Variants in ZSCAN25 observed in about 807,000 individuals in gnomAD.
ZSCAN25 encodes zinc finger and SCAN domain containing 25.
Under a neutral mutation model 38.7 loss-of-function variants are expected in ZSCAN25, and 27 were observed. The observed-to-expected ratio is 0.70, with a 90% confidence interval of 0.51 to 0.96. The LOEUF is 0.96. Ranked by LOEUF, ZSCAN25 falls within the 40% of genes least tolerant of loss-of-function variation. The pLI, the probability that ZSCAN25 is intolerant of heterozygous loss-of-function variation, is 0.00. For missense variants in ZSCAN25, 637 were observed against 705.9 expected, an observed-to-expected ratio of 0.90 and a Z score of 1.11; for synonymous variants, 273 against 277.7, an observed-to-expected ratio of 0.98 and a Z score of 0.17.
the ZSCAN25 span, chr7:99,715,623 C>T: frequency 3.5e-6 from 5 of 1,446,632 alleles, no homozygotes; most frequent in Non-Finnish European, 4.8e-6. Flanking sequence ...TGGTGATGGT[C>T]GTACATATCT....
chr7:99,693,180 G>A, the ZSCAN25 span, among the ~76,000 whole-genome samples: 2 of 152,222 alleles, frequency 1.3e-5, no homozygotes, highest in South Asian at 4.2e-4. Flanking sequence ...GAGTTTGCTG[G>A]AGGTCCTCTT....
At chr7:99,708,676 A>G in the ZSCAN25 span, among the ~76,000 whole-genome samples, 1 of 152,140 alleles carries the variant, frequency 6.6e-6, no homozygotes, top group Non-Finnish European at 1.5e-5. Context: ...TTTTTATTCA[A>G]ATTTGATTCC....
the ZSCAN25 span, among the ~76,000 whole-genome samples, chr7:99,673,864 C>A: frequency 6.6e-6 from 1 of 152,186 alleles, no homozygotes; most frequent in Non-Finnish European, 1.5e-5. Flanking sequence ...CCTGGGCCAC[C>A]AAAACCTGCA....
chr7:99,624,109 G>A lies in ZSCAN25; in HGVS notation c.734G>A (p.Arg245Lys). ...CTGGCCTTCCCTGAGGAGGAGTGGAGGCATGTGACCCCAGCCCAGATAGAC... is the reference window on the plus strand; with the variant it reads ...CTGGCCTTCCCTGAGGAGGAGTGGAAGCATGTGACCCCAGCCCAGATAGAC... ...MALAFPEEEWRHVTPAQIDCF... is the reference protein window; with the variant it reads ...MALAFPEEEWKHVTPAQIDCF... Residue 245 changes from arginine to lysine, a missense_variant, in exon 7 of 8, where the codon AGG (arginine) becomes AAG (lysine). Arg to Lys is a conservative substitution (Grantham distance 26). Transcript: ENST00000394152. The A allele has an allele frequency of 6.2e-7, 1 of 1,614,156 alleles. No homozygotes were observed. The highest frequency in any genetic ancestry group is 1.1e-5 in the South Asian group (1 of 91,082).
the ZSCAN25 span, chr7:99,705,590 G>A: frequency 1.2e-6 from 2 of 1,613,292 alleles, no homozygotes; most frequent in African/African-American, 2.7e-5. Context: ...GTAATTTCAG[G>A]GGGATCTGCA....
At chr7:99,670,345 A>G in the ZSCAN25 span, among the ~76,000 whole-genome samples, 4 of 152,332 alleles carry the variant, frequency 2.6e-5, no homozygotes, top group East Asian at 1.9e-4. Flanking sequence ...ACAGCATTCC[A>G]TATGAAACTG....
chr7:99,628,167 T>C (rs1807661134), intron 7 of ZSCAN25, among the ~76,000 whole-genome samples: 2 of 152,200 alleles, frequency 1.3e-5, no homozygotes, highest in South Asian at 4.1e-4. Context: ...TCTTTGCGTG[T>C]ACAAAACATA....
At chr7:99,710,951 A>T in the ZSCAN25 span, 1 of 1,611,646 alleles carries the variant, frequency 6.2e-7, no homozygotes, top group Non-Finnish European at 8.5e-7. Context: ...ATCACAGTTT[A>T]GATGAAAAGA....
At chr7:99,694,620 AG>A in the ZSCAN25 span, among the ~76,000 whole-genome samples, 1 of 152,222 alleles carries the variant, frequency 6.6e-6, no homozygotes, top group African/African-American at 2.4e-5. Context: ...GACCTAGAAA[AG>A]GTGGCGGGGA....
chr7:99,638,239 A>G, the ZSCAN25 span: 2 of 1,554,854 alleles, frequency 1.3e-6, no homozygotes, highest in Non-Finnish European at 1.7e-6. Context: ...GAGAATGCTC[A>G]TTAAGATTTG....
chr7:99,652,848 A>G, the ZSCAN25 span: 2 of 1,172,086 alleles, frequency 1.7e-6, no homozygotes, highest in Non-Finnish European at 1.2e-6. Context: ...TCCATGCAGT[A>G]CTATTGAAGT....
At chr7:99,712,629 A>C in the ZSCAN25 span, among the ~76,000 whole-genome samples, 81 of 152,324 alleles carry the variant, frequency 5.3e-4, no homozygotes, top group African/African-American at 1.9e-3. Context: ...TAAGTAGATA[A>C]ATAGATGATT....
the ZSCAN25 span, among the ~76,000 whole-genome samples, chr7:99,684,000 C>T: frequency 1.3e-5 from 2 of 152,054 alleles, no homozygotes; most frequent in Non-Finnish European, 2.9e-5. Context: ...GTGTTCATTG[C>T]AGTAAGACAG....
the ZSCAN25 span, among the ~76,000 whole-genome samples, chr7:99,646,097 G>A: frequency 6.6e-6 from 1 of 151,938 alleles, no homozygotes; most frequent in Non-Finnish European, 1.5e-5. Flanking sequence ...GCTCTTCTTG[G>A]TCTTTTGTGA....
the ZSCAN25 span, among the ~76,000 whole-genome samples, chr7:99,726,489 A>ATT: frequency 6.6e-6 from 1 of 152,038 alleles, no homozygotes; most frequent in Non-Finnish European, 1.5e-5. Flanking sequence ...ATCTCCCTCC[A>ATT]CAACTCACTA....
the ZSCAN25 span, among the ~76,000 whole-genome samples, chr7:99,654,688 A>C: frequency 6.6e-6 from 1 of 152,270 alleles, no homozygotes; most frequent in East Asian, 1.9e-4. Context: ...ACTAGTTTAC[A>C]GTCCCACCAA....
chr7:99,695,932 G>A, the ZSCAN25 span: 1 of 1,024,224 alleles, frequency 9.8e-7, no homozygotes, highest in Non-Finnish European at 1.5e-6. Flanking sequence ...GAATGCTCAA[G>A]AGAAGGAGGT....
At chr7:99,686,753 C>CA in the ZSCAN25 span, among the ~76,000 whole-genome samples, 1 of 151,606 alleles carries the variant, frequency 6.6e-6, no homozygotes, top group Non-Finnish European at 1.5e-5. Flanking sequence ...GGGAGGCACC[C>CA]CCCCCCCAGT....
chr7:99,727,314 T>G, the ZSCAN25 span, among the ~76,000 whole-genome samples: 1 of 152,224 alleles, frequency 6.6e-6, no homozygotes, highest in Admixed American at 6.5e-5. Flanking sequence ...CCTAATACTT[T>G]TAGAAGCCCT....
Sources: gnomAD v4.1 joint callset for allele counts (sites outside exome capture counted in the v4.1 genomes callset) on GRCh38, gnomAD v4.1.1 for gene constraint, MANE v1.5 for transcripts, NCBI Gene and HGNC (gene_info 2026-07-23, HGNC 2026-07-21) for gene names.